Variants in ARMC9 observed in about 807,000 individuals in gnomAD.
ARMC9 encodes the protein lisH domain-containing protein ARMC9.
ARMC9 carries 94 observed loss-of-function variants against 107.0 expected under a neutral mutation model. The ratio of observed to expected loss-of-function variants is 0.88; its 90% CI spans 0.74 to 1.04. ARMC9 has a LOEUF of 1.04. Ranked by LOEUF, ARMC9 falls within the 50% of genes least tolerant of loss-of-function variation. ARMC9 has a pLI of 0.00. For synonymous variants in ARMC9, 380 were observed against 396.9 expected, an observed-to-expected ratio of 0.96 and a Z score of 0.51; for missense variants, 942 against 1,030.1, an observed-to-expected ratio of 0.91 and a Z score of 1.17.
At chr2:231,302,024 C>A (rs932029349) in intron 19 of ARMC9, among the ~76,000 whole-genome samples, 1 of 151,932 alleles carries the variant, frequency 6.6e-6, no homozygotes, top group African/African-American at 2.4e-5. Context: ...GTTCCTGGGT[C>A]TCCTGTCCTG....
At position 231,282,067 on chromosome 2, in the gene ARMC9, G is replaced by A. The variant is rs34385474; in HGVS notation, c.1560G>A (p.Pro520=). The change falls in exon 17 of 25, where the codon CCG becomes CCA. Residue 520 remains proline (P), a synonymous_variant. Transcript: ENST00000611582. The part of the protein sequence containing the change: ...LLGHENHEIQ[P]YVNGALYSIL... Reference sequence around the variant, plus strand: ...TTTTCCTCCCCTTAAAGATACAGCCGTATGTGAATGGAGCTCTGTACAGCA... The same window carrying A: ...TTTTCCTCCCCTTAAAGATACAGCCATATGTGAATGGAGCTCTGTACAGCA... 431 of 1,613,998 alleles carry A rather than the reference G, an allele frequency of 2.7e-4. 2 individuals are homozygous for A. In the African/African-American group the frequency reaches 2.9e-3, roughly 11 times the overall value.
intron 19 of ARMC9, among the ~76,000 whole-genome samples, chr2:231,326,311 A>G (rs559264270): frequency 7.3e-4 from 111 of 152,344 alleles, no homozygotes; most frequent in Non-Finnish European, 1.3e-3. Context: ...TGTGAAAGTT[A>G]AGATGTAAAG....
intron 12 of ARMC9, chr2:231,270,695 G>T (rs1455979917): frequency 3.5e-6 from 2 of 565,452 alleles, no homozygotes; most frequent in Admixed American, 4.4e-5. Flanking sequence ...GAAAACAGCC[G>T]CAACGGTAAC....
Position 231,258,024 on chromosome 2 carries a change from C to T in ARMC9, c.915-967C>T, listed in dbSNP as rs761331701. Among the ~76,000 whole-genome samples, 282 of 148,098 alleles carry T rather than the reference C, an allele frequency of 1.9e-3. 3 individuals carry two copies. The highest frequency in any genetic ancestry group is 2.3e-3 in the Non-Finnish European group (151 of 66,520). The stretch of plus-strand genomic sequence containing the variant: ...TGTGGATCTCCAATCCAAGGTCTCT[C>T]CTCACTGAAACCTGGCTCCCCAGAG... On this transcript the variant is annotated intron_variant, in intron 10 of 24. Transcript: ENST00000611582.
chr2:231,276,700 G>A lies in ARMC9; in HGVS notation c.1399G>A (p.Asp467Asn). Residue 467 changes from aspartate to asparagine, a missense_variant, in exon 15 of 25, where the codon GAC (aspartate) becomes AAC (asparagine). Asp to Asn is a conservative substitution (Grantham distance 23). Transcript: ENST00000611582. ...CTTCTGGCTGGTTGATGTTCTGAAGGACCCTGACTGCCTGTCTGACTACAC... is the reference window on the plus strand; with the variant it reads ...CTTCTGGCTGGTTGATGTTCTGAAGAACCCTGACTGCCTGTCTGACTACAC... ...LIFWLVDVLK[D>N]PDCLSDYTLE... The A allele has an allele frequency of 6.2e-7, 1 of 1,614,124 alleles. No homozygotes were observed. The highest frequency in any genetic ancestry group is 1.1e-5 in the South Asian group (1 of 91,072).
At chr2:231,340,886 CAAAA>C (rs2044459824) in intron 20 of ARMC9, among the ~76,000 whole-genome samples, 1 of 151,664 alleles carries the variant, frequency 6.6e-6, no homozygotes, top group Admixed American at 6.6e-5. Flanking sequence ...AGCTCCGTCT[CAAAA>C]CAAACAAACA....
chr2:231,363,672 G>A (rs2045685263), intron 23 of ARMC9, among the ~76,000 whole-genome samples: 1 of 152,080 alleles, frequency 6.6e-6, no homozygotes, highest in African/African-American at 2.4e-5. Context: ...GGACAACGAG[G>A]TCAAGAGATC....
intron 7 of ARMC9, among the ~76,000 whole-genome samples, chr2:231,230,958 C>T (rs1215240461): frequency 2.6e-5 from 4 of 152,144 alleles, no homozygotes; most frequent in Non-Finnish European, 5.9e-5. Context: ...ACATTTCAGC[C>T]CTATTGCCTG....
At chr2:231,334,567 G>A (rs1559477715) in intron 20 of ARMC9, among the ~76,000 whole-genome samples, 1 of 152,198 alleles carries the variant, frequency 6.6e-6, no homozygotes, top group Non-Finnish European at 1.5e-5. Context: ...GTTTCCAGGG[G>A]TCAGGACATG....
chr2:231,355,611 T>C (rs1408084494), intron 21 of ARMC9, among the ~76,000 whole-genome samples, 187 bp from the exon 22 acceptor site: 1 of 152,246 alleles, frequency 6.6e-6, no homozygotes, highest in Admixed American at 6.5e-5. Context: ...AAGGGGAGGC[T>C]ACTGCCTCAC....
At chr2:231,251,175 C>T (rs971322260) in intron 9 of ARMC9, among the ~76,000 whole-genome samples, 128 of 150,926 alleles carry the variant, frequency 8.5e-4, no homozygotes, top group African/African-American at 2.9e-3. Context: ...GTTTCTTTTC[C>T]TTTTTTTTTG....
chr2:231,333,926 A>G (rs142326183), intron 20 of ARMC9, among the ~76,000 whole-genome samples: 4 of 152,364 alleles, frequency 2.6e-5, no homozygotes, highest in African/African-American at 9.6e-5. Context: ...AAACATCTTC[A>G]GTAACAACAA....
At chr2:231,263,366 C>T (rs1020458364) in intron 12 of ARMC9, among the ~76,000 whole-genome samples, 1 of 152,156 alleles carries the variant, frequency 6.6e-6, no homozygotes, top group African/African-American at 2.4e-5. Context: ...CTAGGAAGTC[C>T]AAGAGCATGG....
At chr2:231,241,580 T>C (rs1387884967) in intron 9 of ARMC9, among the ~76,000 whole-genome samples, 1 of 152,150 alleles carries the variant, frequency 6.6e-6, no homozygotes, top group Non-Finnish European at 1.5e-5. Flanking sequence ...TGCACATTAA[T>C]ATAGTATTAG....
intron 20 of ARMC9, among the ~76,000 whole-genome samples, chr2:231,338,301 C>T (rs573585987): frequency 2.5e-4 from 38 of 151,904 alleles, no homozygotes; most frequent in Middle Eastern, 3.4e-3. Context: ...TTACTGTAGC[C>T]TCCACCTCCC....
In ARMC9 at chr2:231,362,882, T is replaced by G. The variant is rs576917597; in HGVS notation, c.2261+1999T>G. On this transcript the variant is annotated intron_variant, in intron 23 of 24. Coordinates refer to ENST00000611582, the MANE Select transcript of ARMC9 (RefSeq NM_001352754.2). The surrounding 1 kb of genome is among the most constrained non-coding windows in gnomAD (Gnocchi z 4.7). Reference sequence around the variant, plus strand: ...CCCTTCCTCCTGCCTGACCCCAAAGTGCGGGTCACGCCCTTCTGCCAGGCT... The same window carrying G: ...CCCTTCCTCCTGCCTGACCCCAAAGGGCGGGTCACGCCCTTCTGCCAGGCT... The G allele has an allele frequency of 1.3e-5, 2 of 154,230 alleles. No homozygotes were observed. The highest frequency in any genetic ancestry group is 2.9e-5 in the Non-Finnish European group (2 of 68,198). The allele number at this position is 154,230 out of a possible 1,614,324, so 9.6% of individuals were successfully genotyped here. A position where few individuals can be genotyped will look rare whatever the true frequency, so the allele number is the denominator to read the frequency against.
chr2:231,355,434 C>T (rs2045299533), intron 21 of ARMC9, among the ~76,000 whole-genome samples: 1 of 152,242 alleles, frequency 6.6e-6, no homozygotes, highest in Admixed American at 6.5e-5. Context: ...TGGATTCATC[C>T]CTTCATTCAT....
At chr2:231,312,878 C>T (rs191906739) in intron 19 of ARMC9, among the ~76,000 whole-genome samples, 83 of 152,268 alleles carry the variant, frequency 5.5e-4, no homozygotes, top group Non-Finnish European at 9.6e-4. Context: ...AGTATACATT[C>T]GGTTCAGGCT....
chr2:231,332,901 G>A (rs755818365), intron 20 of ARMC9, among the ~76,000 whole-genome samples: 8 of 152,154 alleles, frequency 5.3e-5, no homozygotes, highest in Admixed American at 6.5e-5. Context: ...TCTTCCTCAC[G>A]GCCAGCAGGT....
Sources: gnomAD v4.1 joint callset for allele counts (sites outside exome capture counted in the v4.1 genomes callset) on GRCh38, gnomAD v4.1.1 for gene constraint, Gnocchi (gnomAD v3.1) non-coding constraint, MANE v1.5 for transcripts, NCBI Gene and HGNC (gene_info 2026-07-23, HGNC 2026-07-21) for gene names.